GNG3: variants seen among roughly 807,000 people sequenced by gnomAD.
GNG3 encodes G protein subunit gamma 3.
A neutral mutation model predicts 5.6 loss-of-function variants in GNG3; 4 were observed. The ratio of observed to expected loss-of-function variants is 0.71; its 90% confidence interval spans 0.35 to 1.63. The LOEUF is 1.63. Among genes scored for constraint, GNG3 ranks in the 40% most tolerant of loss-of-function variants. The pLI is 0.05. For missense variants in GNG3, 62 were observed against 96.6 expected, an observed-to-expected ratio of 0.64 and a Z score of 1.50; for synonymous variants, 30 against 33.5, an observed-to-expected ratio of 0.89 and a Z score of 0.36.
chr11:62,707,055 C>A, upstream of GNG3: 2 of 1,482,756 alleles, frequency 1.3e-6, no homozygotes, highest in Non-Finnish European at 1.8e-6. Context: ...CCCTTCACGC[C>A]AGCCCACCTA....
chr11:62,708,210 C>T (rs865917777), intron 1 of GNG3, 85 bp from the exon 2 acceptor site: 2 of 880,834 alleles, frequency 2.3e-6, no homozygotes, highest in Middle Eastern at 2.1e-4. Flanking sequence ...GGTATGACCA[C>T]AGCCTTGTAA....
In GNG3 at chr11:62,707,887, A is replaced by G. The variant is rs2083568373; in HGVS notation, c.-30A>G. On this transcript the variant is annotated 5_prime_UTR_variant, in exon 1 of 3. Coordinates refer to ENST00000294117, the MANE Select transcript of GNG3 (RefSeq NM_012202.5). ...GGTACCCTCCACTGACCCTACACCC[A>G]GGGCTGCTACTGCCGCTTGTGGCTT... is the stretch of plus-strand genomic sequence containing the variant. 1 of 276,600 alleles carries G rather than the reference A, an allele frequency of 3.6e-6. No homozygotes were observed. The highest frequency in any genetic ancestry group is 2.2e-5 in the African/African-American group (1 of 46,350). 17.1% of individuals were successfully genotyped at this position (276,600 alleles called of 1,614,324 possible).
chr11:62,708,062 G>C (rs1361303714), intron 1 of GNG3, 147 bp downstream of exon 1: 1 of 570,304 alleles, frequency 1.8e-6, no homozygotes, highest in Non-Finnish European at 3.2e-6. Flanking sequence ...TTTGTGTAAG[G>C]TTTAATGATC....
upstream of GNG3, chr11:62,707,209 C>T (rs1287378785): frequency 6.4e-7 from 1 of 1,551,342 alleles, no homozygotes; most frequent in Admixed American, 2.0e-5. Flanking sequence ...CCTGACGAGC[C>T]TCTGTTGACT....
upstream of GNG3, chr11:62,707,222 G>T (rs1268633273): frequency 6.5e-7 from 1 of 1,546,776 alleles, no homozygotes; most frequent in East Asian, 2.4e-5. Flanking sequence ...TGTTGACTCT[G>T]GATCTTCCAC....
At position 62,708,662 on chromosome 11, in the gene GNG3, C is replaced by T. The variant is rs1474893381; in HGVS notation, c.100-16C>T. 1.9e-6 allele frequency: 3 copies of T among 1,613,400 alleles called. No individual in the cohort carries two copies. The highest frequency in any genetic ancestry group is 1.7e-6 in the Non-Finnish European group (2 of 1,179,582). On this transcript the variant is annotated splice_polypyrimidine_tract_variant and intron_variant, in intron 2 of 2. Transcript: ENST00000294117. ...AGAGGTCCTGGCTAACAATACCCTTCCTGGCTGTGTCCCAGGTGTCCAAGG... is the reference window on the plus strand; with the variant it reads ...AGAGGTCCTGGCTAACAATACCCTTTCTGGCTGTGTCCCAGGTGTCCAAGG...
chr11:62,707,994 T>A (rs2083571372), intron 1 of GNG3, 79 bp downstream of exon 1: 1 of 414,756 alleles, frequency 2.4e-6, no homozygotes, highest in South Asian at 2.5e-5. Context: ...TCAGGGTTGG[T>A]TGAGGTCTTC....
At chr11:62,707,288 G>A (rs866960492), upstream of GNG3, 5 of 1,100,232 alleles carry the variant, frequency 4.5e-6, no homozygotes, top group Middle Eastern at 2.0e-4. Flanking sequence ...TACCTGTGGC[G>A]CATCACATTT....
At chr11:62,707,581 G>T, upstream of GNG3, 1 of 572,526 alleles carries the variant, frequency 1.7e-6, no homozygotes, top group Non-Finnish European at 3.1e-6. Flanking sequence ...GGGGCAGGCA[G>T]TGAACTAGCG....
upstream of GNG3, chr11:62,707,208 C>A (rs1457028027): frequency 1.1e-5 from 17 of 1,551,718 alleles, no homozygotes; most frequent in East Asian, 4.9e-5. Context: ...TCCTGACGAG[C>A]CTCTGTTGAC....
chr11:62,707,671 A>C (rs142457418), upstream of GNG3: 9,100 of 414,796 alleles, frequency 0.022, 142 homozygotes, highest in Middle Eastern at 0.03. Flanking sequence ...GGATCTGAGC[A>C]GCTCCTTCTA....
upstream of GNG3, chr11:62,706,975 A>G (rs2083550611): frequency 1.3e-6 from 1 of 772,918 alleles, no homozygotes; most frequent in Non-Finnish European, 2.1e-6. Flanking sequence ...ATCTTTGCAC[A>G]CTGCTGCGGG....
chr11:62,708,871 A>G lies in GNG3; in HGVS notation c.*65A>G, dbSNP rs1194772898. ...TCCTGGGCCCTTCCTTAGGTCAGTA[A>G]TTGTTGTGAGCCCCTTAGGCTCCTT... On this transcript the variant is annotated 3_prime_UTR_variant, in exon 3 of 3. Coordinates refer to ENST00000294117, the MANE Select transcript of GNG3 (RefSeq NM_012202.5). 7.8e-7 allele frequency: 1 copy of G among 1,277,682 alleles called. No homozygotes were observed. Among genetic ancestry groups the G allele is most frequent in the Non-Finnish European group, 1.1e-6 (1 of 884,154 alleles). 79.1% of individuals were successfully genotyped at this position (1,277,682 alleles called of 1,614,324 possible).
In GNG3 at chr11:62,708,364, T is replaced by C. The variant is rs771182844; in HGVS notation, c.69T>C (p.Leu23=). 1.2e-6 allele frequency: 2 copies of C among 1,613,354 alleles called. No individual in the cohort carries two copies. Among genetic ancestry groups the C allele is most frequent in the Admixed American group, 3.3e-5 (2 of 60,016 alleles). Residue 23 remains leucine (L), a synonymous_variant, in exon 2 of 3, where the codon CTT becomes CTC. Coordinates refer to ENST00000294117, the MANE Select transcript of GNG3 (RefSeq NM_012202.5). The part of the protein sequence containing the change: ...IGQARKMVEQ[L]KIEASLCRIK... ...AAGCACGCAAGATGGTGGAACAGCT[T>C]AAGATTGAAGCCAGCTTGTGTCGGA...
intron 2 of GNG3, 46 bp from the exon 3 acceptor site, chr11:62,708,632 C>T (rs1291921337): frequency 3.7e-6 from 6 of 1,607,360 alleles, no homozygotes; most frequent in Non-Finnish European, 5.1e-6. Flanking sequence ...GCTGCAGTCC[C>T]CTTCAGAGGT....
At chr11:62,707,052 C>G (rs1435261316), upstream of GNG3, 2 of 1,464,936 alleles carry the variant, frequency 1.4e-6, no homozygotes, top group Non-Finnish European at 9.4e-7. Flanking sequence ...GCCCCCTTCA[C>G]GCCAGCCCAC....
rs1590888053 is a variant in GNG3 at position 62,707,716 on chromosome 11, CAGTGCTTG to C, written c.-198_-191del. ...ATCCTTCAGGTACCAGCCATCCAGA[CAGTGCTTG>C]AGCTGCAGAAACTGAGACCAGACCT... On this transcript the variant is annotated 5_prime_UTR_variant, in exon 1 of 3. Transcript: ENST00000294117. 2.9e-6 allele frequency: 1 copy of C among 340,622 alleles called. No individual in the cohort carries two copies. Among genetic ancestry groups the C allele is most frequent in the African/African-American group, 2.1e-5 (1 of 47,734 alleles). 21.1% of individuals were successfully genotyped at this position (340,622 alleles called of 1,614,324 possible). A position where few individuals can be genotyped will look rare whatever the true frequency, so the allele number is the denominator to read the frequency against.
intron 2 of GNG3, 113 bp downstream of exon 2, chr11:62,708,507 A>T (rs1015795909): frequency 2.2e-5 from 27 of 1,209,016 alleles, no homozygotes; most frequent in Admixed American, 5.5e-5. Context: ...AGGTCAGGGG[A>T]GGAGTCTGGG....
Position 62,707,918 on chromosome 11 carries a change from A to G in GNG3, c.-2+3A>G. 3.5e-6 allele frequency: 1 copy of G among 288,668 alleles called. No individual in the cohort carries two copies. The highest frequency in any genetic ancestry group is 4.1e-5 in the South Asian group (1 of 24,238). 17.9% of individuals were successfully genotyped at this position (288,668 alleles called of 1,614,324 possible). Reference sequence around the variant, plus strand: ...GCTACTGCCGCTTGTGGCTTCAGGTAAGTAATGGCCTGTTTTTCTCCTGTT... The same window carrying G: ...GCTACTGCCGCTTGTGGCTTCAGGTGAGTAATGGCCTGTTTTTCTCCTGTT... On this transcript the variant is annotated splice_donor_region_variant and intron_variant, in intron 1 of 2. Transcript: ENST00000294117.
Sources: allele counts gnomAD v4.1 joint callset, GRCh38; gene constraint gnomAD v4.1.1; transcripts MANE v1.5; gene names NCBI Gene and HGNC (gene_info 2026-07-23, HGNC 2026-07-21).